The following RALGPS2 variants were observed in gnomAD, a reference collection of about 807,000 sequenced individuals.
The protein encoded by RALGPS2 is Ral GEF with PH domain and SH3 binding motif 2.
A neutral mutation model predicts 86.8 loss-of-function variants in RALGPS2; 43 were observed. That is an observed-to-expected ratio of 0.50 (90% confidence interval 0.39 to 0.64). RALGPS2 has a LOEUF of 0.64. Among genes scored for constraint, RALGPS2 ranks in the 30% least tolerant of loss-of-function variants. RALGPS2 has a pLI of 0.00. For missense variants in RALGPS2, 536 were observed against 694.6 expected (o/e 0.77, Z 2.57); for synonymous variants, 243 against 231.3 (o/e 1.05, Z -0.46).
At chr1:178,865,171 C>A in intron 8 of RALGPS2, 2 of 1,610,756 alleles carry the variant, frequency 1.2e-6, no homozygotes, top group African/African-American at 1.3e-5. Context: ...GGGAAAATAT[C>A]CTCAAGCACT....
At chr1:178,777,960 T>C (rs1419957900) in intron 2 of RALGPS2, among the ~76,000 whole-genome samples, 10 of 143,276 alleles carry the variant, frequency 7.0e-5, no homozygotes, top group Non-Finnish European at 1.2e-4. Context: ...ACCTAGGCAT[T>C]ACCATTCAGG....
chr1:178,764,081 T>C (rs1652381495), intron 1 of RALGPS2, among the ~76,000 whole-genome samples: 1 of 152,168 alleles, frequency 6.6e-6, no homozygotes. Flanking sequence ...TCTCCCACTA[T>C]TATTGTGTGT....
intron 4 of RALGPS2, among the ~76,000 whole-genome samples, chr1:178,801,116 G>A (rs1654450241): frequency 6.6e-6 from 1 of 151,916 alleles, no homozygotes; most frequent in Middle Eastern, 3.4e-3. Context: ...TAGTAGAGAG[G>A]GATTTCACCA....
chr1:178,752,950 T>G (rs1204459621), intron 1 of RALGPS2, among the ~76,000 whole-genome samples: 2 of 152,232 alleles, frequency 1.3e-5, no homozygotes, highest in African/African-American at 4.8e-5. Flanking sequence ...TTCATTAATA[T>G]GGACTCTGCC....
At chr1:178,851,295 T>C in intron 8 of RALGPS2, 1 of 1,611,464 alleles carries the variant, frequency 6.2e-7, no homozygotes. Context: ...CCAGCCTCCT[T>C]TATGAAAGTG....
intron 10 of RALGPS2, among the ~76,000 whole-genome samples, chr1:178,881,203 T>C (rs143433587): frequency 7.9e-5 from 12 of 152,198 alleles, no homozygotes; most frequent in South Asian, 4.2e-4. Flanking sequence ...TATGGAAACA[T>C]AGATAAGGGG....
In RALGPS2 at chr1:178,776,003, A is replaced by G. The variant is rs75222286; in HGVS notation, c.-83-679A>G. ...GCTATAATTCCCTAAAAAATACAAT[A>G]TAACAACAATTTACGTAGCATTGGC... On this transcript the variant is annotated intron_variant, in intron 1 of 19. Coordinates refer to ENST00000367635, the MANE Select transcript of RALGPS2 (RefSeq NM_152663.5). 3.5e-3 allele frequency among the ~76,000 whole-genome samples: 532 copies of G among 151,818 alleles called. 26 individuals are homozygous for G. In the East Asian group the frequency reaches 0.091, roughly 26 times the overall value.
intron 1 of RALGPS2, among the ~76,000 whole-genome samples, chr1:178,774,206 C>A (rs770035099): frequency 6.6e-6 from 1 of 151,602 alleles, no homozygotes; most frequent in African/African-American, 2.4e-5. Context: ...ACCTGGGAGG[C>A]GGAGGTTGCA....
intron 3 of RALGPS2, 78 bp from the exon 4 acceptor site, chr1:178,785,479 A>G (rs1441320782): frequency 2.9e-5 from 41 of 1,425,272 alleles, no homozygotes; most frequent in Non-Finnish European, 3.1e-5. Flanking sequence ...TTTAGTATAG[A>G]ATATAATTTT....
chr1:178,916,660 T>A lies in RALGPS2; in HGVS notation c.*301T>A. 1 of 348,514 alleles carries A rather than the reference T, an allele frequency of 2.9e-6. No homozygotes were observed. The allele number at this position is 348,514 out of a possible 1,614,324, so 21.6% of individuals were successfully genotyped here. Reference sequence around the variant, plus strand: ...CCAACATGAAACACCAAATAGTGTGTGTGAATCTTCTGGCGGTGCTGTGCT... The same window carrying A: ...CCAACATGAAACACCAAATAGTGTGAGTGAATCTTCTGGCGGTGCTGTGCT... On this transcript the variant is annotated 3_prime_UTR_variant, in exon 20 of 20. Transcript: ENST00000367635.
At chr1:178,910,889 T>G (rs1413384389) in intron 19 of RALGPS2, among the ~76,000 whole-genome samples, 1 of 152,208 alleles carries the variant, frequency 6.6e-6, no homozygotes, top group African/African-American at 2.4e-5. Flanking sequence ...ATCCACCTAT[T>G]TCAAGGCTTT....
rs1656171800 is a variant in RALGPS2, at chr1:178,834,415, A to C, written c.607+865A>C. Among the ~76,000 whole-genome samples the C allele has an allele frequency of 2.0e-5, 3 of 152,242 alleles. No individual in the cohort carries two copies. The South Asian group carries it at 6.2e-4, about 31-fold the overall frequency. On this transcript the variant is annotated intron_variant, in intron 8 of 19. Transcript: ENST00000367635. Reference sequence around the variant, plus strand: ...TACAGTGTCACCTTGAAGTGTTTACAGTCCCAGTGACTAGAAGACAAAGAA... The same window carrying C: ...TACAGTGTCACCTTGAAGTGTTTACCGTCCCAGTGACTAGAAGACAAAGAA...
At chr1:178,848,139 T>C (rs1572395661) in intron 8 of RALGPS2, among the ~76,000 whole-genome samples, 1 of 152,038 alleles carries the variant, frequency 6.6e-6, no homozygotes, top group Non-Finnish European at 1.5e-5. Flanking sequence ...TGAGACCCCA[T>C]CTCTACAAAG....
At chr1:178,840,673 C>A (rs1484770812) in intron 8 of RALGPS2, among the ~76,000 whole-genome samples, 5 of 151,974 alleles carry the variant, frequency 3.3e-5, no homozygotes, top group Non-Finnish European at 7.4e-5. Context: ...GAGATAGAGA[C>A]ACAAAAAACC....
At chr1:178,752,432 G>A (rs1651734920) in intron 1 of RALGPS2, among the ~76,000 whole-genome samples, 1 of 151,820 alleles carries the variant, frequency 6.6e-6, no homozygotes, top group Non-Finnish European at 1.5e-5. Context: ...CCAAAGTGGT[G>A]AGATACAGGT....
intron 16 of RALGPS2, among the ~76,000 whole-genome samples, chr1:178,896,466 TC>T (rs1659941932): frequency 6.8e-6 from 1 of 147,130 alleles, no homozygotes; most frequent in South Asian, 2.1e-4. Context: ...ATTTTTTTTT[TC>T]TTTTTTTTTT....
intron 2 of RALGPS2, among the ~76,000 whole-genome samples, chr1:178,779,211 A>G (rs1418726644): frequency 1.3e-5 from 2 of 152,188 alleles, no homozygotes; most frequent in Non-Finnish European, 2.9e-5. Flanking sequence ...GGAGATGTGA[A>G]GACTGAACTA....
At chr1:178,818,103 G>T (rs1172360542) in intron 6 of RALGPS2, among the ~76,000 whole-genome samples, 1 of 152,154 alleles carries the variant, frequency 6.6e-6, no homozygotes, top group Non-Finnish European at 1.5e-5. Flanking sequence ...GCTCACGCCT[G>T]TAATCCTAGC....
chr1:178,898,754 A>C (rs1374853159), intron 17 of RALGPS2, among the ~76,000 whole-genome samples: 2 of 151,956 alleles, frequency 1.3e-5, no homozygotes, highest in Non-Finnish European at 2.9e-5. Flanking sequence ...CTATTATTAT[A>C]TAATTGTTAA....
Sources: gnomAD v4.1 joint callset for allele counts (sites outside exome capture counted in the v4.1 genomes callset) on GRCh38, gnomAD v4.1.1 for gene constraint, MANE v1.5 for transcripts, NCBI Gene and HGNC (gene_info 2026-07-23, HGNC 2026-07-21) for gene names.